GBF1: variants seen among roughly 807,000 people sequenced by gnomAD.
GBF1 encodes golgi brefeldin A resistant guanine nucleotide exchange factor 1, also known as Golgi-specific brefeldin A-resistance guanine nucleotide exchange factor 1.
In GBF1, 114 loss-of-function variants were observed where a neutral mutation model predicts 210.5. That is an observed-to-expected ratio of 0.54 (90% CI 0.47 to 0.63). The LOEUF (loss-of-function observed/expected upper bound fraction) is 0.63, where lower values mean the gene tolerates loss of function less well. Ranked by LOEUF, GBF1 falls within the 30% of genes least tolerant of loss-of-function variation. The probability of loss-of-function intolerance (pLI) is 0.00; values close to 1 mark genes in which losing one functional copy is unlikely to be tolerated. For synonymous variants in GBF1, 850 were observed against 889.2 expected (o/e 0.96, Z 0.78); for missense variants, 1,851 against 2,357.7 (o/e 0.79, Z 4.45).
intron 3 of GBF1, among the ~76,000 whole-genome samples, chr10:102,271,356 A>C (rs1043314755): frequency 6.6e-6 from 1 of 151,826 alleles, no homozygotes; most frequent in Non-Finnish European, 1.5e-5. Context: ...CTAATTTTTA[A>C]AATTTTTTGT....
At chr10:102,254,871 G>A (rs1254024795) in intron 1 of GBF1, among the ~76,000 whole-genome samples, 1 of 152,052 alleles carries the variant, frequency 6.6e-6, no homozygotes, top group Non-Finnish European at 1.5e-5. Context: ...TTGTGACAAG[G>A]GATTTCTTGG....
At chr10:102,355,832 T>C (rs987828338) in intron 8 of GBF1, among the ~76,000 whole-genome samples, 1 of 152,244 alleles carries the variant, frequency 6.6e-6, no homozygotes, top group Non-Finnish European at 1.5e-5. Flanking sequence ...AGGAGGTCTC[T>C]CATTGATCTC....
intron 26 of GBF1, 51 bp downstream of exon 26, chr10:102,370,035 A>T: frequency 6.2e-7 from 1 of 1,602,622 alleles, no homozygotes; most frequent in East Asian, 2.2e-5. Context: ...TTCCTATTAG[A>T]TGCTACTTGG....
rs776571591 is a variant in GBF1 at position 102,359,439 on chromosome 10, G to A, written c.1180+4G>A. ...ACACAGTCCTCCCAGAAAGAAGGTG[G>A]GTATTCTGGTAGGCTCTGCCAATTC... On this transcript the variant is annotated splice_donor_region_variant and intron_variant, in intron 11 of 39. Coordinates refer to ENST00000369983, the MANE Select transcript of GBF1 (RefSeq NM_001377137.1). 1.6e-5 allele frequency: 26 copies of A among 1,608,020 alleles called. No individual in the cohort carries two copies. The highest frequency in any genetic ancestry group is 2.2e-5 in the Non-Finnish European group (26 of 1,174,716).
At chr10:102,356,680 T>G (rs2059308862) in intron 8 of GBF1, among the ~76,000 whole-genome samples, 1 of 146,802 alleles carries the variant, frequency 6.8e-6, no homozygotes, top group Non-Finnish European at 1.5e-5. Flanking sequence ...GGCAGGAGAA[T>G]GGCGTGAACC....
intron 3 of GBF1, among the ~76,000 whole-genome samples, chr10:102,338,444 A>C (rs1263467024): frequency 6.6e-6 from 1 of 151,488 alleles, no homozygotes; most frequent in Non-Finnish European, 1.5e-5. Context: ...TGGTTTCACT[A>C]TGTTGGCCAG....
At chr10:102,339,811 G>C (rs901099898) in intron 3 of GBF1, among the ~76,000 whole-genome samples, 6 of 152,186 alleles carry the variant, frequency 3.9e-5, no homozygotes, top group African/African-American at 1.4e-4. Context: ...TTTGGAACAG[G>C]GTCTTACTCT....
At chr10:102,240,106 G>A in the GBF1 span, among the ~76,000 whole-genome samples, 1 of 152,238 alleles carries the variant, frequency 6.6e-6, no homozygotes, top group Admixed American at 6.5e-5. Flanking sequence ...CCTGCCCACT[G>A]TAGGGAAGGA....
chr10:102,246,857 T>G lies in GBF1; in HGVS notation c.-11+1076T>G, dbSNP rs564187625. Among the ~76,000 whole-genome samples the G allele has an allele frequency of 1.3e-3, 199 of 152,346 alleles. 1 individual carries two copies. Among genetic ancestry groups the G allele is most frequent in the African/African-American group, 4.5e-3 (188 of 41,576 alleles). Reference sequence around the variant, plus strand: ...GCATTAATTCAGGTATAAAAGGCACTCTAGGCCCTGTGGAGGATACAAATG... The same window carrying G: ...GCATTAATTCAGGTATAAAAGGCACGCTAGGCCCTGTGGAGGATACAAATG... On this transcript the variant is annotated intron_variant, in intron 1 of 39. Transcript: ENST00000369983.
Position 102,363,248 on chromosome 10 carries a change from C to T in GBF1, c.1877-8C>T, listed in dbSNP as rs1463053822. The T allele has an allele frequency of 6.2e-7, 1 of 1,609,586 alleles. No homozygotes were observed. The highest frequency in any genetic ancestry group is 8.5e-7 in the Non-Finnish European group (1 of 1,177,832). On this transcript the variant is annotated splice_region_variant and splice_polypyrimidine_tract_variant and intron_variant, in intron 15 of 39. Transcript: ENST00000369983. This position sits in a 1 kb window ranked among gnomAD's most constrained non-coding sequence, Gnocchi z 4.2. ...TAAGTCTTCACGTATCTTCTTCTCT[C>T]TTACCAGCTGAGAGAACTGCCAGCG...
chr10:102,336,462 C>G (rs2057753140), intron 3 of GBF1, among the ~76,000 whole-genome samples: 1 of 152,042 alleles, frequency 6.6e-6, no homozygotes, highest in Non-Finnish European at 1.5e-5. Context: ...TTACATGCAT[C>G]AAATGAGATA....
chr10:102,298,166 CTCGTGAT>C (rs2077057149), intron 3 of GBF1, among the ~76,000 whole-genome samples: 2 of 152,140 alleles, frequency 1.3e-5, no homozygotes, highest in African/African-American at 4.8e-5. Context: ...AACTCCTGAC[CTCGTGAT>C]CCCCCCGCCT....
intron 3 of GBF1, among the ~76,000 whole-genome samples, chr10:102,279,552 A>G (rs2075298431): frequency 6.6e-6 from 1 of 152,196 alleles, no homozygotes. Context: ...AAGAGAGAAA[A>G]GGTTAGGAGA....
chr10:102,323,880 A>C (rs949624824), intron 3 of GBF1, among the ~76,000 whole-genome samples: 2 of 152,148 alleles, frequency 1.3e-5, no homozygotes, highest in African/African-American at 4.8e-5. Flanking sequence ...TCACTTGAGC[A>C]TGAAATACCA....
chr10:102,298,329 G>C (rs2077073639), intron 3 of GBF1, among the ~76,000 whole-genome samples: 2 of 152,236 alleles, frequency 1.3e-5, no homozygotes, highest in South Asian at 4.2e-4. Flanking sequence ...ATGACAAGTC[G>C]AGTCCACACC....
At chr10:102,232,818 G>A in the GBF1 span, among the ~76,000 whole-genome samples, 3 of 152,174 alleles carry the variant, frequency 2.0e-5, no homozygotes, top group African/African-American at 7.2e-5. Flanking sequence ...AATCATACCT[G>A]AGACACAGAC....
At chr10:102,245,403 C>T (rs1339804363), upstream of GBF1, 4 of 152,256 alleles carry the variant, frequency 2.6e-5, no homozygotes, top group Non-Finnish European at 5.9e-5. Context: ...TAGGCACTAC[C>T]CGCCTCCTGA....
At chr10:102,375,319 G>A (rs756576446) in intron 29 of GBF1, 40 bp from the exon 30 acceptor site, 2 of 1,178,330 alleles carry the variant, frequency 1.7e-6, no homozygotes, top group Non-Finnish European at 2.6e-6. Context: ...TGCCCACACA[G>A]CTCCCCGCTT....
intron 3 of GBF1, among the ~76,000 whole-genome samples, chr10:102,327,525 C>A (rs755801272): frequency 3.3e-5 from 5 of 152,112 alleles, no homozygotes; most frequent in Non-Finnish European, 7.3e-5. Context: ...TGGATAAATT[C>A]TTTGGGAGTG....
Sources: allele counts gnomAD v4.1 joint callset (sites outside exome capture counted in the v4.1 genomes callset), GRCh38; gene constraint gnomAD v4.1.1; non-coding constraint Gnocchi (gnomAD v3.1); transcripts MANE v1.5; gene names NCBI Gene and HGNC (gene_info 2026-07-23, HGNC 2026-07-21).